EPHA6: variants seen among roughly 807,000 people sequenced by gnomAD.
EPHA6 encodes the protein ephrin type-A receptor 6.
In EPHA6, 50 loss-of-function variants were observed where a neutral mutation model predicts 112.0. The observed-to-expected ratio is 0.45, with a 90% CI of 0.36 to 0.56. EPHA6 has a LOEUF of 0.56. Ranked by LOEUF, EPHA6 falls within the 20% of genes least tolerant of loss-of-function variation. The probability of loss-of-function intolerance (pLI) is 0.00; values close to 1 mark genes in which losing one functional copy is unlikely to be tolerated. For synonymous variants in EPHA6, 529 were observed against 490.7 expected (o/e 1.08, Z -1.03); for missense variants, 1,280 against 1,417.4 (o/e 0.90, Z 1.56).
intron 2 of EPHA6, among the ~76,000 whole-genome samples, chr3:96,879,014 C>T (rs1451762903): frequency 1.8e-4 from 27 of 151,932 alleles, no homozygotes; most frequent in Admixed American, 1.8e-3. Flanking sequence ...ATATTTCACG[C>T]AATATACAGA....
intron 11 of EPHA6, among the ~76,000 whole-genome samples, chr3:97,538,136 A>G (rs2092789228): frequency 6.6e-6 from 1 of 152,172 alleles, no homozygotes; most frequent in Non-Finnish European, 1.5e-5. Flanking sequence ...TGGATTACAT[A>G]GTGAAAGGAG....
intron 2 of EPHA6, among the ~76,000 whole-genome samples, chr3:96,948,377 A>G (rs1308825204): frequency 6.6e-6 from 1 of 152,192 alleles, no homozygotes; most frequent in Non-Finnish European, 1.5e-5. Context: ...TAACCTTGGC[A>G]TAATTTTGGC....
At chr3:97,070,413 T>C (rs2046316017) in intron 3 of EPHA6, among the ~76,000 whole-genome samples, 1 of 152,124 alleles carries the variant, frequency 6.6e-6, no homozygotes, top group East Asian at 1.9e-4. Flanking sequence ...AGATTTTCCC[T>C]AACACAGGGA....
intron 3 of EPHA6, among the ~76,000 whole-genome samples, chr3:97,063,737 A>C (rs2046097106): frequency 6.6e-6 from 1 of 152,162 alleles, no homozygotes; most frequent in Middle Eastern, 3.2e-3. Context: ...AGGACAGGAG[A>C]AGCATAAAAA....
At chr3:97,659,184 A>C (rs1576224387) in intron 14 of EPHA6, among the ~76,000 whole-genome samples, 1 of 151,962 alleles carries the variant, frequency 6.6e-6, no homozygotes, top group African/African-American at 2.4e-5. Context: ...TTCCATCTAT[A>C]AAATTTAAGA....
intron 14 of EPHA6, among the ~76,000 whole-genome samples, chr3:97,668,255 G>A (rs572188314): frequency 6.6e-6 from 1 of 152,072 alleles, no homozygotes; most frequent in Non-Finnish European, 1.5e-5. Flanking sequence ...TAACAAACAA[G>A]TACAAAACCT....
At chr3:97,324,465 CTTTCTT>C (rs1194102252) in intron 5 of EPHA6, among the ~76,000 whole-genome samples, 66 of 133,896 alleles carry the variant, frequency 4.9e-4, no homozygotes, top group Non-Finnish European at 9.4e-4. Flanking sequence ...TTCTTTCTTT[CTTTCTT>C]TTTCTTTCGT....
chr3:97,252,409 T>TCA (rs911333387), intron 5 of EPHA6, among the ~76,000 whole-genome samples: 1 of 151,656 alleles, frequency 6.6e-6, no homozygotes, highest in Non-Finnish European at 1.5e-5. Context: ...ACACACACAC[T>TCA]CACACACATA....
At chr3:97,212,312 T>C (rs963615304) in intron 3 of EPHA6, among the ~76,000 whole-genome samples, 1 of 152,080 alleles carries the variant, frequency 6.6e-6, no homozygotes, top group African/African-American at 2.4e-5. Context: ...CTAAAACATA[T>C]CTGGGAATAT....
intron 2 of EPHA6, among the ~76,000 whole-genome samples, chr3:96,979,458 C>T (rs1219273384): frequency 6.6e-6 from 1 of 152,084 alleles, no homozygotes; most frequent in African/African-American, 2.4e-5. Context: ...CATTGATGGA[C>T]ATTTGGGTTG....
intron 13 of EPHA6, among the ~76,000 whole-genome samples, chr3:97,611,363 C>T (rs1280807193): frequency 6.6e-6 from 1 of 151,772 alleles, no homozygotes; most frequent in Non-Finnish European, 1.5e-5. Context: ...AGGAATAAAA[C>T]TCCTTTAGCA....
rs1251908889 is a variant in EPHA6, at chr3:97,092,367, AG to A, written c.1114+104375del. Among the ~76,000 whole-genome samples, 3 of 152,172 alleles carry A rather than the reference AG, an allele frequency of 2.0e-5. No homozygotes were observed. In the East Asian group the frequency reaches 5.8e-4, roughly 30 times the overall value. ...AAAATGTTAATCAAATAGAGATCACAGTTTTAGTCCTGTCAGTGTATGGATA... is the reference window on the plus strand; with the variant it reads ...AAAATGTTAATCAAATAGAGATCACATTTTAGTCCTGTCAGTGTATGGATA... On this transcript the variant is annotated intron_variant, in intron 3 of 17. Transcript: ENST00000389672.
intron 8 of EPHA6, among the ~76,000 whole-genome samples, chr3:97,475,885 GTT>G: frequency 6.6e-6 from 1 of 151,950 alleles, no homozygotes; most frequent in Non-Finnish European, 1.5e-5. Flanking sequence ...ATATTAATTG[GTT>G]TTATAAATCC....
At chr3:97,504,791 A>G (rs2092204498) in intron 10 of EPHA6, among the ~76,000 whole-genome samples, 1 of 152,150 alleles carries the variant, frequency 6.6e-6, no homozygotes, top group African/African-American at 2.4e-5. Context: ...CATAAAGTTG[A>G]AATTATACCC....
intron 3 of EPHA6, among the ~76,000 whole-genome samples, chr3:97,094,698 A>G (rs946242913): frequency 3.2e-4 from 49 of 152,146 alleles, no homozygotes; most frequent in Non-Finnish European, 7.1e-4. Context: ...ATAATTGTAA[A>G]GTTCTTTTAG....
At chr3:97,117,502 G>A (rs1022455897) in intron 3 of EPHA6, among the ~76,000 whole-genome samples, 4 of 151,686 alleles carry the variant, frequency 2.6e-5, no homozygotes, top group Admixed American at 6.6e-5. Flanking sequence ...TATATTGAGT[G>A]ATATAAGTGA....
At chr3:97,158,094 CACTA>C (rs2076331292) in intron 3 of EPHA6, among the ~76,000 whole-genome samples, 1 of 152,134 alleles carries the variant, frequency 6.6e-6, no homozygotes, top group Admixed American at 6.5e-5. Context: ...ACCAAAAACA[CACTA>C]ATATGTTAGA....
chr3:97,000,258 T>C (rs2043596193), intron 3 of EPHA6, among the ~76,000 whole-genome samples: 1 of 127,018 alleles, frequency 7.9e-6, no homozygotes, highest in Non-Finnish European at 1.7e-5. Flanking sequence ...TGTGTGTATG[T>C]ATAAACACAC....
At chr3:96,967,118 C>G (rs1338936339) in intron 2 of EPHA6, among the ~76,000 whole-genome samples, 1 of 151,384 alleles carries the variant, frequency 6.6e-6, no homozygotes, top group East Asian at 1.9e-4. Context: ...AAAATAATTA[C>G]TCTTGTTTCA....
Sources: gnomAD v4.1 joint callset for allele counts (sites outside exome capture counted in the v4.1 genomes callset) on GRCh38, gnomAD v4.1.1 for gene constraint, MANE v1.5 for transcripts, NCBI Gene and HGNC (gene_info 2026-07-23, HGNC 2026-07-21) for gene names.